Variants in ADGRG5 observed in about 807,000 individuals in gnomAD.
ADGRG5 encodes the protein G protein-coupled receptor 114.
A neutral mutation model predicts 53.2 loss-of-function variants in ADGRG5; 37 were observed. The ratio of observed to expected loss-of-function variants is 0.70; its 90% CI spans 0.53 to 0.91. ADGRG5 has a LOEUF of 0.91. Among genes scored for constraint, ADGRG5 ranks in the 40% least tolerant of loss-of-function variants. ADGRG5 has a pLI of 0.00. For synonymous variants in ADGRG5, 277 were observed against 290.4 expected, an observed-to-expected ratio of 0.95 and a Z score of 0.47; for missense variants, 614 against 675.8, an observed-to-expected ratio of 0.91 and a Z score of 1.01.
intron 1 of ADGRG5, among the ~76,000 whole-genome samples, chr16:57,545,416 G>A (rs1233803724): frequency 6.6e-6 from 1 of 152,156 alleles, no homozygotes; most frequent in East Asian, 1.9e-4. Context: ...ACTGGGCTTG[G>A]TGGCTTCCTC....
intron 1 of ADGRG5, among the ~76,000 whole-genome samples, chr16:57,548,672 A>G (rs1023645928): frequency 6.7e-6 from 1 of 150,328 alleles, no homozygotes. Context: ...TCATTTCAAG[A>G]CTGTTAAATA....
intron 1 of ADGRG5, among the ~76,000 whole-genome samples, chr16:57,554,459 C>T (rs1197829696): frequency 2.6e-5 from 4 of 151,888 alleles, no homozygotes; most frequent in Non-Finnish European, 5.9e-5. Context: ...TCACTGCAAG[C>T]TCTGCCTCCC....
intron 1 of ADGRG5, among the ~76,000 whole-genome samples, chr16:57,549,393 C>T (rs1449346821): frequency 4.6e-5 from 7 of 152,200 alleles, no homozygotes; most frequent in Middle Eastern, 3.2e-3. Context: ...TCCTCTGCCA[C>T]TACCATCAAA....
At chr16:57,553,868 G>T (rs1456699553) in intron 1 of ADGRG5, among the ~76,000 whole-genome samples, 1 of 152,090 alleles carries the variant, frequency 6.6e-6, no homozygotes, top group Admixed American at 6.5e-5. Context: ...ATTTTCTAAA[G>T]GAATACATTT....
In ADGRG5 at chr16:57,570,474, CCCTGCACAAT is replaced by C; in HGVS notation, c.1150_1159del (p.Cys384ProfsTer105). On this transcript the variant is annotated frameshift_variant, in exon 10 of 12. Coordinates refer to ENST00000349457, the MANE Select transcript of ADGRG5 (RefSeq NM_001304376.3). LOFTEE classifies it high-confidence loss of function. ...CTCTGTCAAGAGCTCGGTATACGGACCCTGCACAATCCCCGTCTTCGACAGCTGGGAGAAT... is the reference window on the plus strand; with the variant it reads ...CTCTGTCAAGAGCTCGGTATACGGACCCCCGTCTTCGACAGCTGGGAGAAT... 6.2e-7 allele frequency: 1 copy of C among 1,613,638 alleles called. No individual in the cohort carries two copies. Among genetic ancestry groups the C allele is most frequent in the Non-Finnish European group, 8.5e-7 (1 of 1,179,978 alleles).
chr16:57,562,215 A>G, intron 2 of ADGRG5, 58 bp downstream of exon 2: 1 of 1,522,992 alleles, frequency 6.6e-7, no homozygotes, highest in East Asian at 2.3e-5. Flanking sequence ...ACTGTGATGC[A>G]AAAGGGGGAG....
chr16:57,576,735 G>A lies in ADGRG5; in HGVS notation c.*1197G>A, dbSNP rs1364134795. 2.0e-5 allele frequency: 3 copies of A among 152,224 alleles called. No homozygotes were observed. Among genetic ancestry groups the A allele is most frequent in the Non-Finnish European group, 4.4e-5 (3 of 68,054 alleles). 9.4% of individuals were successfully genotyped at this position (152,224 alleles called of 1,614,324 possible). On this transcript the variant is annotated 3_prime_UTR_variant, in exon 12 of 12. Coordinates refer to ENST00000349457, the MANE Select transcript of ADGRG5 (RefSeq NM_001304376.3). ...GCAAGACACGCTTACACGGCCATTTGTCTCTTTTCCCAATGCGGCGGTGCA... is the reference window on the plus strand; with the variant it reads ...GCAAGACACGCTTACACGGCCATTTATCTCTTTTCCCAATGCGGCGGTGCA...
rs774666545 is a variant in ADGRG5 at position 57,562,045 on chromosome 16, A to C, written c.-38-11A>C. 3 of 1,462,642 alleles carry C rather than the reference A, an allele frequency of 2.1e-6. No individual in the cohort carries two copies. In the African/African-American group the frequency reaches 4.3e-5, roughly 21 times the overall value. 90.6% of individuals were successfully genotyped at this position (1,462,642 alleles called of 1,614,324 possible). On this transcript the variant is annotated splice_polypyrimidine_tract_variant and intron_variant, in intron 1 of 11. Transcript: ENST00000349457. ...TTTTATCATCATGGTGATGGCATGCACCTTTTTCAGGGCCGGAGCCAGTTC... is the reference window on the plus strand; with the variant it reads ...TTTTATCATCATGGTGATGGCATGCCCCTTTTTCAGGGCCGGAGCCAGTTC...
In ADGRG5 at chr16:57,563,023, C is replaced by A. The variant is rs1332694123; in HGVS notation, c.141-68C>A. ...GGGAGGCCCTGCCCTCCCAGGCTGT[C>A]TACAGCCCCCTCTCACCCTTACCCC... On this transcript the variant is annotated intron_variant, in intron 3 of 11. Transcript: ENST00000349457. The A allele has an allele frequency of 5.1e-6, 8 of 1,558,382 alleles. No homozygotes were observed. The East Asian group carries it at 1.8e-4, about 35-fold the overall frequency.
At chr16:57,572,335 C>T (rs1301188637) in intron 10 of ADGRG5, among the ~76,000 whole-genome samples, 3 of 152,108 alleles carry the variant, frequency 2.0e-5, no homozygotes, top group South Asian at 2.1e-4. Flanking sequence ...ATTAGCTGGG[C>T]GTGGTGGCAG....
intron 10 of ADGRG5, among the ~76,000 whole-genome samples, chr16:57,573,295 G>A (rs1463540150): frequency 6.6e-6 from 1 of 151,908 alleles, no homozygotes; most frequent in South Asian, 2.1e-4. Context: ...TTAGCTGGGC[G>A]TGGTGTCAGG....
At chr16:57,548,438 G>A (rs1052249729) in intron 1 of ADGRG5, among the ~76,000 whole-genome samples, 1 of 151,892 alleles carries the variant, frequency 6.6e-6, no homozygotes, top group Non-Finnish European at 1.5e-5. Context: ...TATGTATGCC[G>A]GTTCTTTGGT....
the ADGRG5 span, among the ~76,000 whole-genome samples, chr16:57,536,025 A>G: frequency 9.9e-5 from 15 of 152,128 alleles, no homozygotes; most frequent in Admixed American, 7.2e-4. Context: ...CGGAGGGTGG[A>G]GGGGGTTCCC....
intron 6 of ADGRG5, 178 bp downstream of exon 6, chr16:57,565,328 T>C (rs2033107727): frequency 1.6e-6 from 1 of 620,254 alleles, no homozygotes; most frequent in African/African-American, 1.8e-5. Context: ...TTTGTCAGAA[T>C]TCTTTCAGTT....
intron 7 of ADGRG5, among the ~76,000 whole-genome samples, chr16:57,567,247 T>C (rs745687052): frequency 1.3e-5 from 2 of 152,068 alleles, no homozygotes; most frequent in African/African-American, 2.4e-5. Flanking sequence ...CACAGGTGCA[T>C]AGGGAGTGGG....
intron 1 of ADGRG5, among the ~76,000 whole-genome samples, chr16:57,550,214 G>C (rs995343841): frequency 6.6e-6 from 1 of 152,152 alleles, no homozygotes; most frequent in South Asian, 2.1e-4. Context: ...CTGACCTTGG[G>C]TGACCCACCC....
At chr16:57,565,201 T>C in intron 6 of ADGRG5, 51 bp downstream of exon 6, 1 of 1,093,834 alleles carries the variant, frequency 9.1e-7, no homozygotes, top group Non-Finnish European at 1.4e-6. Flanking sequence ...CCTCTGTGAC[T>C]CTCCTGTTGA....
chr16:57,570,346 C>T, intron 9 of ADGRG5, 72 bp from the exon 10 acceptor site: 1 of 920,538 alleles, frequency 1.1e-6, no homozygotes, highest in Admixed American at 1.8e-5. Context: ...GTGTCAGCAG[C>T]CCCAGGGACC....
upstream of ADGRG5, among the ~76,000 whole-genome samples, chr16:57,539,621 T>A (rs547296507): frequency 7.6e-6 from 1 of 131,286 alleles, no homozygotes; most frequent in Non-Finnish European, 1.5e-5. Context: ...ACCAACTAAA[T>A]TTTTTTTTTT....
Sources: allele counts gnomAD v4.1 joint callset (sites outside exome capture counted in the v4.1 genomes callset), GRCh38; gene constraint gnomAD v4.1.1; transcripts MANE v1.5; gene names NCBI Gene and HGNC (gene_info 2026-07-23, HGNC 2026-07-21).